The following ARL13B variants were observed in gnomAD, a reference collection of about 807,000 sequenced individuals.
The protein encoded by ARL13B is ADP-ribosylation factor-like protein 13B.
ARL13B carries 36 observed loss-of-function variants against 56.1 expected under a neutral mutation model. The ratio of observed to expected loss-of-function variants is 0.64; its 90% CI spans 0.49 to 0.85. The LOEUF (loss-of-function observed/expected upper bound fraction) is 0.85, where lower values mean the gene tolerates loss of function less well. ARL13B is among the 40% of genes least tolerant of loss of function. ARL13B has a pLI of 0.00. For missense variants in ARL13B, 519 were observed against 507.1 expected, an observed-to-expected ratio of 1.02 and a Z score of -0.23; for synonymous variants, 178 against 171.1, an observed-to-expected ratio of 1.04 and a Z score of -0.32.
At chr3:94,028,673 T>C (rs539162815) in intron 3 of ARL13B, 28 of 152,340 alleles carry the variant, frequency 1.8e-4, no homozygotes, top group African/African-American at 6.5e-4. Flanking sequence ...ATCATTTTCA[T>C]TGGAGCTAGT....
At chr3:93,988,912 A>G in intron 1 of ARL13B, 1 of 310,544 alleles carries the variant, frequency 3.2e-6, no homozygotes. Context: ...TTGCTTCGCC[A>G]CCCCTTCGGC....
chr3:94,015,396 A>C, intron 3 of ARL13B: 2 of 705,278 alleles, frequency 2.8e-6, no homozygotes, highest in South Asian at 7.1e-5. Context: ...AGTTTTCTCA[A>C]ATGAGGTTAA....
In ARL13B at chr3:94,040,101, G is replaced by A. The variant is rs544897352; in HGVS notation, c.798+113G>A. 46 of 875,254 alleles carry A rather than the reference G, an allele frequency of 5.3e-5. No homozygotes were observed. The South Asian group carries it at 6.0e-4, about 11-fold the overall frequency. 54.2% of individuals were successfully genotyped at this position (875,254 alleles called of 1,614,324 possible). On this transcript the variant is annotated intron_variant, in intron 6 of 9. Coordinates refer to ENST00000394222, the MANE Select transcript of ARL13B (RefSeq NM_001174150.2). ...GGAAACAGATGTGTTTCTTCTGAGA[G>A]ATTATTTCTATAAGAAATTAAACAT...
chr3:93,986,906 G>A (rs1281227331), intron 1 of ARL13B, among the ~76,000 whole-genome samples: 1 of 152,040 alleles, frequency 6.6e-6, no homozygotes, highest in Non-Finnish European at 1.5e-5. Flanking sequence ...GGAGGCAGAG[G>A]TTGCAGTGAG....
Position 93,995,331 on chromosome 3 carries a change from T to C in ARL13B, c.60-543T>C, listed in dbSNP as rs144488264. On this transcript the variant is annotated intron_variant, in intron 1 of 9. Transcript: ENST00000394222. ...TTAAGTTGACTAGGTGTTTTTTTTTTCCCCCTGTGGAGTTTAGCTGTATCA... is the reference window on the plus strand; with the variant it reads ...TTAAGTTGACTAGGTGTTTTTTTTTCCCCCCTGTGGAGTTTAGCTGTATCA... Among the ~76,000 whole-genome samples, 995 of 152,098 alleles carry C rather than the reference T, an allele frequency of 6.5e-3. 12 individuals are homozygous for C. Among genetic ancestry groups the C allele is most frequent in the African/African-American group, 0.023 (952 of 41,500 alleles).
chr3:94,053,801 A>G lies in ARL13B; in HGVS notation c.*538A>G. On this transcript the variant is annotated 3_prime_UTR_variant, in exon 10 of 10. Transcript: ENST00000394222. The stretch of plus-strand genomic sequence containing the variant: ...TGATTTGTTTAAATTATATCTGGAA[A>G]ATAGAGTTGATTTACTTTCAGACAT... 1 of 292,108 alleles carries G rather than the reference A, an allele frequency of 3.4e-6. No homozygotes were observed. The highest frequency in any genetic ancestry group is 3.3e-5 in the South Asian group (1 of 30,338). The allele number at this position is 292,108 out of a possible 1,614,324, so 18.1% of individuals were successfully genotyped here.
chr3:94,011,893 C>T (rs2076230291), intron 3 of ARL13B, among the ~76,000 whole-genome samples: 1 of 152,090 alleles, frequency 6.6e-6, no homozygotes, highest in African/African-American at 2.4e-5. Flanking sequence ...TCTGCAGACT[C>T]CATTTGTGCT....
intron 3 of ARL13B, among the ~76,000 whole-genome samples, chr3:94,019,708 G>C (rs531211456): frequency 6.6e-6 from 1 of 152,154 alleles, no homozygotes; most frequent in Non-Finnish European, 1.5e-5. Flanking sequence ...AAAAACTAGA[G>C]CCTACAAAGC....
At chr3:94,035,482 A>C in intron 4 of ARL13B, 46 bp downstream of exon 4, 1 of 1,328,992 alleles carries the variant, frequency 7.5e-7, no homozygotes, top group South Asian at 1.3e-5. Context: ...TGTCCTTTCA[A>C]ATAGGTTCAG....
chr3:94,016,328 T>C (rs1316884492), intron 3 of ARL13B, among the ~76,000 whole-genome samples: 1 of 152,166 alleles, frequency 6.6e-6, no homozygotes, highest in Non-Finnish European at 1.5e-5. Context: ...GATGCTGTTA[T>C]GCTGTAGGAC....
At position 94,055,499 on chromosome 3, in the gene ARL13B, C is replaced by T; in HGVS notation, c.*2236C>T. 1 of 453,944 alleles carries T rather than the reference C, an allele frequency of 2.2e-6. No individual in the cohort carries two copies. Among genetic ancestry groups the T allele is most frequent in the Non-Finnish European group, 4.4e-6 (1 of 226,672 alleles). 28.1% of individuals were successfully genotyped at this position (453,944 alleles called of 1,614,324 possible). On this transcript the variant is annotated 3_prime_UTR_variant, in exon 10 of 10. Transcript: ENST00000394222. ...TTAAATGCAGCTACAAATAGCATTT[C>T]ACCATATGATGTTAGAGGATTTGAT...
chr3:94,047,336 C>T (rs1576054541), intron 7 of ARL13B, among the ~76,000 whole-genome samples: 1 of 152,118 alleles, frequency 6.6e-6, no homozygotes, highest in East Asian at 1.9e-4. Context: ...CATATATTAC[C>T]CATGTAACTG....
In ARL13B at chr3:94,053,424, T is replaced by A. The variant is rs2077097666; in HGVS notation, c.*161T>A. On this transcript the variant is annotated 3_prime_UTR_variant, in exon 10 of 10. Transcript: ENST00000394222. ...TCAAGGACCTGACTTGATAATTACT[T>A]ATTTGTGTTTTTCATGGTTAAAAAA... 1.4e-6 allele frequency: 1 copy of A among 736,234 alleles called. No homozygotes were observed. Among genetic ancestry groups the A allele is most frequent in the Non-Finnish European group, 2.4e-6 (1 of 418,862 alleles). The allele number at this position is 736,234 out of a possible 1,614,324, so 45.6% of individuals were successfully genotyped here. A position where few individuals can be genotyped will look rare whatever the true frequency, so the allele number is the denominator to read the frequency against.
intron 3 of ARL13B, chr3:94,015,074 CT>C (rs765940028): frequency 6.2e-7 from 1 of 1,613,950 alleles, no homozygotes; most frequent in South Asian, 1.1e-5. Flanking sequence ...TGAACATTAT[CT>C]GCCAAATTGT....
chr3:94,011,640 T>C (rs1267469423), intron 3 of ARL13B, among the ~76,000 whole-genome samples: 1 of 152,150 alleles, frequency 6.6e-6, no homozygotes, highest in African/African-American at 2.4e-5. Context: ...TTGTGCTTCA[T>C]ACTCCACTTC....
intron 1 of ARL13B, chr3:93,988,870 G>T: frequency 5.3e-6 from 2 of 378,050 alleles, no homozygotes; most frequent in Non-Finnish European, 1.0e-5. Flanking sequence ...AGCAGGTTTA[G>T]CTGACAAGTG....
chr3:94,022,470 A>T (rs2076469106), intron 3 of ARL13B, among the ~76,000 whole-genome samples: 1 of 152,174 alleles, frequency 6.6e-6, no homozygotes, highest in Non-Finnish European at 1.5e-5. Flanking sequence ...TCTATGGAAG[A>T]TGTGGATTTA....
At chr3:94,002,096 C>T (rs372770372) in intron 2 of ARL13B, among the ~76,000 whole-genome samples, 3 of 152,272 alleles carry the variant, frequency 2.0e-5, no homozygotes, top group African/African-American at 7.2e-5. Context: ...TAGTGAATGC[C>T]TTTCAAATTA....
chr3:94,000,747 A>G lies in ARL13B; in HGVS notation c.131-2912A>G, dbSNP rs148722525. 3.9e-4 allele frequency among the ~76,000 whole-genome samples: 60 copies of G among 152,234 alleles called. 1 individual carries two copies. Among genetic ancestry groups the G allele is most frequent in the Admixed American group, 3.9e-3 (59 of 15,286 alleles). ...AACCATGCATAGTACTTAGCTTATA[A>G]GAAATGCTCAAAAATTTATTGATTG... On this transcript the variant is annotated intron_variant, in intron 2 of 9. Transcript: ENST00000394222.
Sources: gnomAD v4.1 joint callset for allele counts (sites outside exome capture counted in the v4.1 genomes callset) on GRCh38, gnomAD v4.1.1 for gene constraint, MANE v1.5 for transcripts, NCBI Gene and HGNC (gene_info 2026-07-23, HGNC 2026-07-21) for gene names.